The following EML4 variants were observed in gnomAD, a reference collection of about 807,000 sequenced individuals.
EML4 encodes the protein echinoderm microtubule-associated protein-like 4.
Under a neutral mutation model 129.0 loss-of-function variants are expected in EML4, and 72 were observed. That is an observed-to-expected ratio of 0.56 (90% CI 0.46 to 0.68). The LOEUF is 0.68. EML4 is among the 30% of genes least tolerant of loss of function. The probability of loss-of-function intolerance (pLI) is 0.00; values close to 1 mark genes in which losing one functional copy is unlikely to be tolerated. For synonymous variants in EML4, 532 were observed against 405.0 expected (o/e 1.31, Z -3.77); for missense variants, 1,363 against 1,190.6 (o/e 1.14, Z -2.13).
At chr2:42,255,869 G>A (rs145380056) in intron 2 of EML4, among the ~76,000 whole-genome samples, 8 of 152,214 alleles carry the variant, frequency 5.3e-5, no homozygotes, top group African/African-American at 9.6e-5. Flanking sequence ...TTGTGTGCAC[G>A]TGAGAAAACT....
chr2:42,244,861 T>A (rs1675282671), intron 1 of EML4, among the ~76,000 whole-genome samples: 1 of 152,094 alleles, frequency 6.6e-6, no homozygotes, highest in African/African-American at 2.4e-5. Context: ...TCTTGGAAGT[T>A]TCCTGATGTC....
chr2:42,260,936 T>C (rs903721241), intron 3 of EML4, among the ~76,000 whole-genome samples, 185 bp from the exon 4 acceptor site: 5 of 152,236 alleles, frequency 3.3e-5, no homozygotes, highest in Admixed American at 6.5e-5. Flanking sequence ...ATAAATTCTT[T>C]ACTGAAGATG....
chr2:42,186,297 C>G (rs1031358609), intron 1 of EML4, among the ~76,000 whole-genome samples: 3 of 151,554 alleles, frequency 2.0e-5, no homozygotes, highest in African/African-American at 7.3e-5. Flanking sequence ...GTTCTGGATC[C>G]ACAATGAATT....
intron 11 of EML4, among the ~76,000 whole-genome samples, chr2:42,293,220 C>T (rs970701446): frequency 3.3e-5 from 5 of 151,814 alleles, no homozygotes; most frequent in Admixed American, 3.3e-4. Context: ...ATGAATCCTC[C>T]AGCCTCAGCC....
At chr2:42,295,006 A>G (rs1667863917) in intron 11 of EML4, 119 bp from the exon 12 acceptor site, 12 of 891,938 alleles carry the variant, frequency 1.3e-5, no homozygotes, top group Middle Eastern at 2.9e-4. Context: ...TTGTCTTAGA[A>G]GAAGAGGCAT....
chr2:42,218,621 A>G (rs968552370), intron 1 of EML4, among the ~76,000 whole-genome samples: 5 of 152,066 alleles, frequency 3.3e-5, no homozygotes, highest in Non-Finnish European at 7.4e-5. Context: ...TAGTGGAGGA[A>G]AGGAGAATTA....
At chr2:42,284,741 C>T (rs1217251617) in intron 9 of EML4, 38 bp downstream of exon 9, 1 of 1,454,072 alleles carries the variant, frequency 6.9e-7, no homozygotes, top group African/African-American at 1.4e-5. Flanking sequence ...TACCTAGAGA[C>T]ATTGCTGTTA....
At chr2:42,238,500 T>C (rs1272109798) in intron 1 of EML4, among the ~76,000 whole-genome samples, 1 of 152,182 alleles carries the variant, frequency 6.6e-6, no homozygotes, top group Non-Finnish European at 1.5e-5. Context: ...TCCAGCACTT[T>C]GGGAGGCTGA....
intron 6 of EML4, among the ~76,000 whole-genome samples, chr2:42,270,112 A>G (rs1293053357): frequency 6.6e-6 from 1 of 152,216 alleles, no homozygotes; most frequent in Non-Finnish European, 1.5e-5. Flanking sequence ...TTTGGGTCTC[A>G]GTTTCCTTAC....
chr2:42,257,484 CCAAA>C (rs66537735), intron 3 of EML4, among the ~76,000 whole-genome samples: 18,835 of 152,088 alleles, frequency 0.12, 1,160 homozygotes, highest in East Asian at 0.17. Context: ...AGATACTTAA[CCAAA>C]CAGTTGATGA....
intron 2 of EML4, among the ~76,000 whole-genome samples, chr2:42,247,062 C>T (rs1675451895): frequency 6.6e-6 from 1 of 152,036 alleles, no homozygotes. Context: ...ATGTTGAAGG[C>T]CAGTTTTAAT....
At chr2:42,285,050 T>C (rs1035240281) in intron 9 of EML4, among the ~76,000 whole-genome samples, 1 of 144,246 alleles carries the variant, frequency 6.9e-6, no homozygotes, top group Non-Finnish European at 1.5e-5. Flanking sequence ...ATGAACCTGT[T>C]GATTCTTATT....
chr2:42,241,461 T>G (rs1227208259), intron 1 of EML4, among the ~76,000 whole-genome samples: 1 of 152,200 alleles, frequency 6.6e-6, no homozygotes, highest in Non-Finnish European at 1.5e-5. Flanking sequence ...GGAGACATAC[T>G]TGTTCTGGAG....
intron 6 of EML4, 52 bp from the exon 7 acceptor site, chr2:42,280,798 A>G (rs1276676692): frequency 4.9e-6 from 7 of 1,430,594 alleles, no homozygotes; most frequent in African/African-American, 4.3e-5. Context: ...CCACTTTTGT[A>G]TGACTATACA....
At chr2:42,229,790 G>A (rs888498198) in intron 1 of EML4, among the ~76,000 whole-genome samples, 1 of 152,014 alleles carries the variant, frequency 6.6e-6, no homozygotes. Context: ...TGACCTCTTG[G>A]TTGGGCTAAA....
At chr2:42,182,583 C>T (rs1365934021) in intron 1 of EML4, among the ~76,000 whole-genome samples, 1 of 152,032 alleles carries the variant, frequency 6.6e-6, no homozygotes, top group Non-Finnish European at 1.5e-5. Context: ...AGGGGAGACA[C>T]CTAATCATTT....
intron 2 of EML4, among the ~76,000 whole-genome samples, chr2:42,249,867 T>C (rs1321471293): frequency 6.6e-6 from 1 of 152,186 alleles, no homozygotes; most frequent in Admixed American, 6.6e-5. Context: ...GAGAATTCTT[T>C]CCTTTTGACG....
chr2:42,291,644 G>T (rs1244768615), intron 11 of EML4, among the ~76,000 whole-genome samples: 1 of 152,002 alleles, frequency 6.6e-6, no homozygotes, highest in Non-Finnish European at 1.5e-5. Context: ...GATCTCAAGT[G>T]ATCCTCCCAT....
chr2:42,274,833 C>G (rs898915021), intron 6 of EML4, among the ~76,000 whole-genome samples: 2 of 152,078 alleles, frequency 1.3e-5, no homozygotes, highest in African/African-American at 4.8e-5. Flanking sequence ...GAAGGGCAAG[C>G]ATTAGGAGGA....
Sources: allele counts gnomAD v4.1 joint callset (sites outside exome capture counted in the v4.1 genomes callset), GRCh38; gene constraint gnomAD v4.1.1; transcripts MANE v1.5; gene names NCBI Gene and HGNC (gene_info 2026-07-23, HGNC 2026-07-21).